The following PHKB variants were observed in gnomAD, a reference collection of about 807,000 sequenced individuals.
PHKB encodes the protein phosphorylase b kinase regulatory subunit beta.
A neutral mutation model predicts 152.1 loss-of-function variants in PHKB; 122 were observed. The observed-to-expected ratio is 0.80, with a 90% CI of 0.69 to 0.93. The LOEUF (loss-of-function observed/expected upper bound fraction) is 0.93. PHKB is among the 40% of genes least tolerant of loss of function. The pLI is 0.00. For missense variants in PHKB, 1,304 were observed against 1,328.4 expected (o/e 0.98, Z 0.29); for synonymous variants, 436 against 464.9 (o/e 0.94, Z 0.80).
Position 47,556,270 on chromosome 16 carries a change from T to G in PHKB, c.710+8722T>G, listed in dbSNP as rs1971368258. Among the ~76,000 whole-genome samples, 10 of 152,236 alleles carry G rather than the reference T, an allele frequency of 6.6e-5. No homozygotes were observed. In the South Asian group the frequency reaches 2.1e-3, roughly 32 times the overall value. On this transcript the variant is annotated intron_variant, in intron 7 of 30. Coordinates refer to ENST00000323584, the MANE Select transcript of PHKB (RefSeq NM_000293.3). ...TTGAATGCCCTTTATTTCCTTCTCC[T>G]GCCTAATTGCCCTGGCCAGAACTTT... is the stretch of plus-strand genomic sequence containing the variant.
At chr16:47,565,813 G>A in intron 7 of PHKB, 1 of 1,448,186 alleles carries the variant, frequency 6.9e-7, no homozygotes, top group Non-Finnish European at 9.6e-7. Flanking sequence ...GTGTCAATGG[G>A]CTTTGTCCCT....
chr16:47,669,411 G>A lies in PHKB; in HGVS notation c.2624G>A (p.Arg875Gln), dbSNP rs774459319. Residue 875 changes from arginine to glutamine, a missense_variant, in exon 26 of 31, where the codon CGA becomes CAA. Coordinates refer to ENST00000323584, the MANE Select transcript of PHKB (RefSeq NM_000293.3). ...TTATTCAGTGGCATGCTGAAAATACGAATCGGGTGAGTGAAGTCCTTTGCA... is the reference window on the plus strand; with the variant it reads ...TTATTCAGTGGCATGCTGAAAATACAAATCGGGTGAGTGAAGTCCTTTGCA... The part of the protein sequence containing the change: ...PELFSGMLKI[R>Q]IGWIIHAMEY... The A allele has an allele frequency of 1.9e-6, 3 of 1,613,856 alleles. No homozygotes were observed. The highest frequency in any genetic ancestry group is 1.7e-5 in the Admixed American group (1 of 59,994).
intron 8 of PHKB, among the ~76,000 whole-genome samples, chr16:47,586,153 C>T (rs1971931405): frequency 6.6e-6 from 1 of 152,220 alleles, no homozygotes; most frequent in South Asian, 2.1e-4. Flanking sequence ...TCTTCTCCCC[C>T]TTAAACCACT....
chr16:47,464,083 C>T (rs1034930862), intron 1 of PHKB: 3 of 892,942 alleles, frequency 3.4e-6, no homozygotes, highest in South Asian at 2.7e-5. Context: ...ATCATTATGT[C>T]TTTATTTCTT....
At chr16:47,655,811 T>TA (rs527519046) in intron 20 of PHKB, among the ~76,000 whole-genome samples, 120 of 152,352 alleles carry the variant, frequency 7.9e-4, no homozygotes, top group South Asian at 1.9e-3. Flanking sequence ...TAAGACTAGT[T>TA]ACTGCAGAAG....
intron 2 of PHKB, among the ~76,000 whole-genome samples, chr16:47,498,970 T>G (rs933569746): frequency 1.3e-5 from 2 of 152,326 alleles, no homozygotes; most frequent in African/African-American, 4.8e-5. Context: ...GCATTACCCA[T>G]CCATTTATAG....
chr16:47,630,480 C>CA (rs538645404), intron 14 of PHKB, among the ~76,000 whole-genome samples: 311 of 118,548 alleles, frequency 2.6e-3, no homozygotes, highest in Admixed American at 5.1e-3. Flanking sequence ...GAAACTGTCG[C>CA]AAAAAAAAAA....
intron 6 of PHKB, among the ~76,000 whole-genome samples, chr16:47,532,475 A>T (rs554584645): frequency 2.6e-5 from 4 of 152,322 alleles, no homozygotes; most frequent in African/African-American, 9.6e-5. Context: ...ACCAGGCTGG[A>T]TCCCATGCCT....
At chr16:47,656,519 A>G (rs2151734784) in intron 20 of PHKB, among the ~76,000 whole-genome samples, 1 of 152,334 alleles carries the variant, frequency 6.6e-6, no homozygotes, top group Middle Eastern at 3.4e-3. Flanking sequence ...TGCCATCTCT[A>G]AAAATTGTGG....
At chr16:47,661,666 G>A in intron 22 of PHKB, 53 bp from the exon 23 acceptor site, 16 of 1,152,484 alleles carry the variant, frequency 1.4e-5, no homozygotes, top group Non-Finnish European at 2.1e-5. Flanking sequence ...ACCCTCTGTG[G>A]TAACTGCTGT....
chr16:47,547,264 TA>T (rs1971188601), intron 6 of PHKB, among the ~76,000 whole-genome samples, 168 bp from the exon 7 acceptor site: 1 of 152,126 alleles, frequency 6.6e-6, no homozygotes, highest in Non-Finnish European at 1.5e-5. Context: ...TTGTATTTTT[TA>T]GTAGAGATGA....
intron 20 of PHKB, among the ~76,000 whole-genome samples, chr16:47,653,698 G>T (rs887593916): frequency 6.6e-6 from 1 of 151,966 alleles, no homozygotes; most frequent in African/African-American, 2.4e-5. Context: ...TTCCTTTTAA[G>T]AAATATGTGG....
chr16:47,694,161 C>G (rs1421606563), intron 28 of PHKB, among the ~76,000 whole-genome samples: 1 of 152,204 alleles, frequency 6.6e-6, no homozygotes, highest in Non-Finnish European at 1.5e-5. Flanking sequence ...TGTACCTTAC[C>G]TGTGGTCCAA....
chr16:47,587,655 T>A lies in PHKB; in HGVS notation c.775-13T>A. 1 of 1,603,210 alleles carries A rather than the reference T, an allele frequency of 6.2e-7. No individual in the cohort carries two copies. The highest frequency in any genetic ancestry group is 1.3e-5 in the African/African-American group (1 of 74,764). ...TCTTAATTTAGGAAATGTTTTTCTTTTTCTCTGTCCAGGGCTGTTCGTGGT... is the reference window on the plus strand; with the variant it reads ...TCTTAATTTAGGAAATGTTTTTCTTATTCTCTGTCCAGGGCTGTTCGTGGT... On this transcript the variant is annotated splice_polypyrimidine_tract_variant and intron_variant, in intron 8 of 30. Coordinates refer to ENST00000323584, the MANE Select transcript of PHKB (RefSeq NM_000293.3).
chr16:47,542,449 A>AT (rs1262552157), intron 6 of PHKB, among the ~76,000 whole-genome samples: 5 of 151,412 alleles, frequency 3.3e-5, no homozygotes, highest in Admixed American at 6.6e-5. Flanking sequence ...CTCCAGCTTC[A>AT]TTTTTTTTGC....
chr16:47,513,617 C>A (rs1234687120), intron 5 of PHKB, among the ~76,000 whole-genome samples: 2 of 152,146 alleles, frequency 1.3e-5, no homozygotes, highest in African/African-American at 4.8e-5. Flanking sequence ...GCCTCCAGGG[C>A]ACCAATAATT....
Position 47,542,897 on chromosome 16 carries a change from T to C in PHKB, c.595-4536T>C, listed in dbSNP as rs939477246. On this transcript the variant is annotated intron_variant, in intron 6 of 30. Transcript: ENST00000323584. The stretch of plus-strand genomic sequence containing the variant: ...GTTGCTTATCAGCTTAAGGAGATTT[T>C]GGGCTGAGACAGTGGGGTTTTCTAA... Among the ~76,000 whole-genome samples, 4 of 152,246 alleles carry C rather than the reference T, an allele frequency of 2.6e-5. No homozygotes were observed. The East Asian group carries it at 7.7e-4, about 29-fold the overall frequency.
At chr16:47,601,131 C>G (rs143909696) in intron 13 of PHKB, among the ~76,000 whole-genome samples, 1 of 152,268 alleles carries the variant, frequency 6.6e-6, no homozygotes, top group Non-Finnish European at 1.5e-5. Flanking sequence ...GCCAGAGGAT[C>G]ACCTGAGCCC....
At chr16:47,687,501 G>A (rs1219896455) in intron 26 of PHKB, among the ~76,000 whole-genome samples, 5 of 152,150 alleles carry the variant, frequency 3.3e-5, no homozygotes, top group African/African-American at 4.8e-5. Flanking sequence ...AAATATAAAT[G>A]GTAAATCTTA....
Sources: gnomAD v4.1 joint callset for allele counts (sites outside exome capture counted in the v4.1 genomes callset) on GRCh38, gnomAD v4.1.1 for gene constraint, MANE v1.5 for transcripts, NCBI Gene and HGNC (gene_info 2026-07-23, HGNC 2026-07-21) for gene names.